Variants in NWD2 observed in about 807,000 individuals in gnomAD.
NWD2 encodes the protein NACHT and WD repeat domain-containing protein 2.
A neutral mutation model predicts 132.7 loss-of-function variants in NWD2; 37 were observed. The observed-to-expected ratio is 0.28, with a 90% CI of 0.21 to 0.37. The LOEUF is 0.37. NWD2 is among the 10% of genes least tolerant of loss of function. The pLI is 1.00. For missense variants in NWD2, 1,592 were observed against 2,122.4 expected, an observed-to-expected ratio of 0.75 and a Z score of 4.91; for synonymous variants, 705 against 803.0, an observed-to-expected ratio of 0.88 and a Z score of 2.06.
In NWD2 at chr4:37,430,553, C is replaced by A. The variant is rs374948010; in HGVS notation, c.358-19C>A. 1.9e-5 allele frequency: 30 copies of A among 1,539,252 alleles called. No homozygotes were observed. In the East Asian group the frequency reaches 6.9e-4, roughly 35 times the overall value. On this transcript the variant is annotated intron_variant, in intron 3 of 6. Transcript: ENST00000309447. ...TTTCTTGGTGATACACTAAATTGAA[C>A]TTTCTTGTTGATACACAGGGACTAT...
At chr4:37,422,399 G>T (rs892800328) in intron 3 of NWD2, among the ~76,000 whole-genome samples, 13 of 151,900 alleles carry the variant, frequency 8.6e-5, no homozygotes, top group Non-Finnish European at 1.8e-4. Context: ...CTCCACCCCT[G>T]GAACATTGAT....
chr4:37,320,509 G>A (rs1339073589), intron 1 of NWD2, among the ~76,000 whole-genome samples: 1 of 152,068 alleles, frequency 6.6e-6, no homozygotes, highest in African/African-American at 2.4e-5. Flanking sequence ...GAGAGAAGGT[G>A]AGTGAAAATA....
At chr4:37,295,152 A>C (rs1418880) in intron 1 of NWD2, among the ~76,000 whole-genome samples, 5,324 of 151,812 alleles carry the variant, frequency 0.035, 323 homozygotes, top group African/African-American at 0.12. Context: ...AAGGTAAGGC[A>C]GCTTCTTGCA....
At chr4:37,415,612 G>A (rs1024113018) in intron 3 of NWD2, among the ~76,000 whole-genome samples, 21 of 149,996 alleles carry the variant, frequency 1.4e-4, no homozygotes, top group Non-Finnish European at 2.5e-4. Context: ...GCTGAGGCAG[G>A]AAAATGGCGT....
intron 1 of NWD2, among the ~76,000 whole-genome samples, chr4:37,312,951 A>G (rs1718880233): frequency 6.6e-6 from 1 of 151,050 alleles, no homozygotes; most frequent in South Asian, 2.1e-4. Context: ...TGTATATTGA[A>G]CCAGCCTTGC....
At chr4:37,246,012 T>C (rs1457452833) in intron 1 of NWD2, among the ~76,000 whole-genome samples, 1 of 152,184 alleles carries the variant, frequency 6.6e-6, no homozygotes, top group African/African-American at 2.4e-5. Flanking sequence ...GTCCTCAACG[T>C]TAGATTTCAT....
chr4:37,254,464 AT>A (rs1248338117), intron 1 of NWD2, among the ~76,000 whole-genome samples: 5 of 152,060 alleles, frequency 3.3e-5, no homozygotes, highest in East Asian at 1.9e-4. Context: ...GTTCCACTCA[AT>A]TTTTTTTAAG....
chr4:37,268,135 G>A (rs1717795896), intron 1 of NWD2, among the ~76,000 whole-genome samples: 1 of 151,820 alleles, frequency 6.6e-6, no homozygotes, highest in African/African-American at 2.4e-5. Flanking sequence ...TGAACTCAAG[G>A]GCCTGATTTG....
chr4:37,394,764 A>G (rs1025924527), intron 3 of NWD2, among the ~76,000 whole-genome samples: 1 of 141,720 alleles, frequency 7.1e-6, no homozygotes, highest in Non-Finnish European at 1.5e-5. Flanking sequence ...ATATAATACA[A>G]ATTGGCCTAT....
At chr4:37,272,160 G>A (rs1388645583) in intron 1 of NWD2, among the ~76,000 whole-genome samples, 6 of 151,648 alleles carry the variant, frequency 4.0e-5, no homozygotes, top group South Asian at 2.1e-4. Flanking sequence ...TAACTTGGTC[G>A]TGATGTATTA....
rs563191806 is a variant in NWD2, at chr4:37,256,897, C to T, written c.151+11679C>T. ...GAAATTTAGGGTTTTGCAATCTGGC[C>T]CTAGAAATTTGGGGCTCTCTTATTA... On this transcript the variant is annotated intron_variant, in intron 1 of 6. Transcript: ENST00000309447. Among the ~76,000 whole-genome samples, 15 of 152,096 alleles carry T rather than the reference C, an allele frequency of 9.9e-5. No homozygotes were observed. In the South Asian group the frequency reaches 3.1e-3, roughly 32 times the overall value.
chr4:37,304,734 G>A (rs1432190608), intron 1 of NWD2, among the ~76,000 whole-genome samples: 2 of 152,174 alleles, frequency 1.3e-5, no homozygotes, highest in African/African-American at 4.8e-5. Context: ...CCAAGGCCTT[G>A]GGCAGTTGCA....
At chr4:37,413,052 C>T (rs150118754) in intron 3 of NWD2, among the ~76,000 whole-genome samples, 2,241 of 152,250 alleles carry the variant, frequency 0.015, 56 homozygotes, top group African/African-American at 0.051. Context: ...ATTCAGGACA[C>T]AGGCATGGGC....
chr4:37,439,167 T>C lies in NWD2; in HGVS notation c.1073T>C (p.Ile358Thr). ...ATGATTGATATAATTCAGGCAACGA[T>C]ACAACAGAATTTTGACACTGAAACT... is the stretch of plus-strand genomic sequence containing the variant. ...EDMIDIIQAT[I>T]QQNFDTETDT... Residue 358 changes from isoleucine (I) to threonine (T), a missense_variant, in exon 6 of 7, where the codon ATA becomes ACA. Physicochemically the swap from Ile to Thr is moderately conservative, Grantham distance 89 (BLOSUM62 -1). Around this residue, in one of 7 missense-constraint regions of NWD2, gnomAD observed 1,071 missense variants for 1,398.0 expected, o/e 0.77. Transcript: ENST00000309447. The surrounding 1 kb of genome is among the most constrained non-coding windows in gnomAD (Gnocchi z 4.5). The C allele has an allele frequency of 6.5e-7, 1 of 1,550,382 alleles. No homozygotes were observed. The highest frequency in any genetic ancestry group is 2.0e-5 in the Admixed American group (1 of 50,698).
chr4:37,440,738 A>G (rs1247434436), intron 6 of NWD2, among the ~76,000 whole-genome samples: 9 of 152,296 alleles, frequency 5.9e-5, no homozygotes, highest in Admixed American at 4.6e-4. Flanking sequence ...CAAGTCCTGC[A>G]TGATGGTCTG....
rs1440936432 is a variant in NWD2 at position 37,449,175 on chromosome 4, G to T, written c.*1958G>T. ...CACATTTCTAAGAATTAAATGCCTA[G>T]ATGGATTAAATGTAGTATGTGAATG... On this transcript the variant is annotated 3_prime_UTR_variant, in exon 7 of 7. Transcript: ENST00000309447. 1 of 152,176 alleles carries T rather than the reference G, an allele frequency of 6.6e-6. No individual in the cohort carries two copies. Among genetic ancestry groups the T allele is most frequent in the Non-Finnish European group, 1.5e-5 (1 of 68,016 alleles). The allele number at this position is 152,176 out of a possible 1,614,324, so 9.4% of individuals were successfully genotyped here.
At chr4:37,372,534 A>G (rs553414503) in intron 3 of NWD2, among the ~76,000 whole-genome samples, 2 of 152,308 alleles carry the variant, frequency 1.3e-5, no homozygotes, top group East Asian at 3.9e-4. Flanking sequence ...CTGAATGCAG[A>G]TATGTTCATG....
At chr4:37,438,771 C>A in intron 5 of NWD2, 30 bp from the exon 6 acceptor site, 2 of 1,457,014 alleles carry the variant, frequency 1.4e-6, no homozygotes, top group Non-Finnish European at 1.9e-6. Flanking sequence ...TTGTTCTAAG[C>A]AATAAACTCC....
At chr4:37,316,814 A>C (rs887742966) in intron 1 of NWD2, among the ~76,000 whole-genome samples, 1 of 152,218 alleles carries the variant, frequency 6.6e-6, no homozygotes, top group South Asian at 2.1e-4. Flanking sequence ...CCCTCTCATA[A>C]GTATTTCTTA....
Sources: allele counts gnomAD v4.1 joint callset (sites outside exome capture counted in the v4.1 genomes callset), GRCh38; gene constraint gnomAD v4.1.1; regional missense constraint gnomAD v4.1.1; non-coding constraint Gnocchi (gnomAD v3.1); transcripts MANE v1.5; gene names NCBI Gene and HGNC (gene_info 2026-07-23, HGNC 2026-07-21).